Variants in C20orf96 observed in about 807,000 individuals in gnomAD.
C20orf96 encodes chromosome 20 open reading frame 96.
In C20orf96, 57 loss-of-function variants were observed where a neutral mutation model predicts 52.6. That is an observed-to-expected ratio of 1.08 (90% CI 0.88 to 1.35). The LOEUF is 1.35. C20orf96 is among the 40% of genes most tolerant of loss of function. The probability of loss-of-function intolerance (pLI) is 0.00; values close to 1 mark genes in which losing one functional copy is unlikely to be tolerated. For synonymous variants in C20orf96, 168 were observed against 157.2 expected, an observed-to-expected ratio of 1.07 and a Z score of -0.51; for missense variants, 478 against 443.6, an observed-to-expected ratio of 1.08 and a Z score of -0.70.
Position 276,021 on chromosome 20 carries a change from C to T in C20orf96, c.978G>A (p.Gln326=), listed in dbSNP as rs758268652. The T allele has an allele frequency of 2.5e-6, 4 of 1,614,062 alleles. No homozygotes were observed. In the African/African-American group the frequency reaches 5.3e-5, roughly 22 times the overall value. The change falls in exon 10 of 11, where the codon CAG becomes CAA. Residue 326 remains glutamine (Q), a synonymous_variant. Coordinates refer to ENST00000360321, the MANE Select transcript of C20orf96 (RefSeq NM_153269.3). The part of the protein sequence containing the change: ...LRAEVEELQA[Q]TREPREVIFE... ...ATATGACCTCTCGGGGTTCCCGGGT[C>T]TGGGCTTGGAGCTCTTCCACCTCGG...
chr20:287,337 T>C (rs1490589517), intron 3 of C20orf96, among the ~76,000 whole-genome samples: 3 of 152,244 alleles, frequency 2.0e-5, no homozygotes, highest in Non-Finnish European at 2.9e-5. Context: ...GTGTTATCAC[T>C]ATTTTTTTAT....
chr20:278,332 C>A lies in C20orf96; in HGVS notation c.563G>T (p.Ser188Ile). 2 of 1,613,088 alleles carry A rather than the reference C, an allele frequency of 1.2e-6. No homozygotes were observed. Among genetic ancestry groups the A allele is most frequent in the East Asian group, 4.5e-5 (2 of 44,872 alleles). ...AGGAATTTGCCAGGGATTCTTACAGCTCATCTTGCATTTCTTCTTTTCTTC... is the reference window on the plus strand; with the variant it reads ...AGGAATTTGCCAGGGATTCTTACAGATCATCTTGCATTTCTTCTTTTCTTC... ...EWEEKKKCKM[S>I]YLEQQAEQLN... is the part of the protein sequence containing the mutation. Residue 188 changes from serine (S) to isoleucine (I), a missense_variant and splice_region_variant, in exon 6 of 11, where the codon AGC (serine) becomes ATC (isoleucine). Ser to Ile is a moderately radical substitution (Grantham distance 142). Transcript: ENST00000360321.
At chr20:283,313 T>A (rs908041201) in intron 4 of C20orf96, among the ~76,000 whole-genome samples, 1 of 152,154 alleles carries the variant, frequency 6.6e-6, no homozygotes, top group African/African-American at 2.4e-5. Flanking sequence ...ACTGGAATTT[T>A]TTTTTTTTGA....
At chr20:272,184 T>C (rs912235487) in intron 10 of C20orf96, among the ~76,000 whole-genome samples, 1 of 149,390 alleles carries the variant, frequency 6.7e-6, no homozygotes, top group African/African-American at 2.6e-5. Flanking sequence ...ATATTTGAAA[T>C]TTTTCATAAT....
At position 271,020 on chromosome 20, in the gene C20orf96, A is replaced by C. The variant is rs1600181015; in HGVS notation, c.*187T>G. ...GAGGGAGGGAGAGGAGGAAGGAAGG[A>C]GGAGGGAAGGGAAGGGGGGAAGAAG... On this transcript the variant is annotated 3_prime_UTR_variant, in exon 11 of 11. Transcript: ENST00000360321. 2.0e-6 allele frequency: 1 copy of C among 506,608 alleles called. No homozygotes were observed. Among genetic ancestry groups the C allele is most frequent in the Middle Eastern group, 5.1e-4 (1 of 1,970 alleles). 31.4% of individuals were successfully genotyped at this position (506,608 alleles called of 1,614,324 possible).
chr20:279,374 C>T, intron 4 of C20orf96, 44 bp from the exon 5 acceptor site: 1 of 1,572,154 alleles, frequency 6.4e-7, no homozygotes, highest in East Asian at 2.4e-5. Flanking sequence ...TGCGCCCTGC[C>T]CGGCCTGAGC....
intron 6 of C20orf96, among the ~76,000 whole-genome samples, 199 bp from the exon 7 acceptor site, chr20:277,582 G>C (rs1161383030): frequency 6.6e-6 from 1 of 152,130 alleles, no homozygotes; most frequent in Non-Finnish European, 1.5e-5. Context: ...AAGAGGCAAT[G>C]CTGGGTAGGA....
At chr20:278,229 G>A (rs1226781074) in intron 6 of C20orf96, 101 bp downstream of exon 6, 3 of 867,200 alleles carry the variant, frequency 3.5e-6, no homozygotes, top group Non-Finnish European at 6.0e-6. Context: ...GAGCCAATGG[G>A]GCTGAGGGTT....
intron 4 of C20orf96, among the ~76,000 whole-genome samples, chr20:282,472 A>T (rs565850080): frequency 1.2e-3 from 186 of 152,318 alleles, no homozygotes; most frequent in African/African-American, 4.3e-3. Context: ...AAGAGACAGT[A>T]TTAAGAACTG....
At chr20:273,938 G>GGAGGGAGGGAGGGAGGGAGA in intron 10 of C20orf96, among the ~76,000 whole-genome samples, 1 of 114,904 alleles carries the variant, frequency 8.7e-6, no homozygotes, top group Non-Finnish European at 1.8e-5. Context: ...AGGGAGGGAG[G>GGAGGGAGGGAGGGAGGGAGA]GGAAAGAAAG....
Position 290,722 on chromosome 20 carries a change from A to G in C20orf96, c.-112T>C, listed in dbSNP as rs2012527744. ...TGTAGATCGCGCGGTAACCCAGGCCACTCAGAAGTCCCGAGACCCGATGCT... is the reference window on the plus strand; with the variant it reads ...TGTAGATCGCGCGGTAACCCAGGCCGCTCAGAAGTCCCGAGACCCGATGCT... On this transcript the variant is annotated 5_prime_UTR_variant, in exon 1 of 11. Coordinates refer to ENST00000360321, the MANE Select transcript of C20orf96 (RefSeq NM_153269.3). 6 of 1,325,862 alleles carry G rather than the reference A, an allele frequency of 4.5e-6. No individual in the cohort carries two copies. In the Admixed American group the frequency reaches 8.4e-5, roughly 19 times the overall value. The allele number at this position is 1,325,862 out of a possible 1,614,324, so 82.1% of individuals were successfully genotyped here.
intron 4 of C20orf96, 39 bp from the exon 5 acceptor site, chr20:279,369 C>G: frequency 6.3e-7 from 1 of 1,579,138 alleles, no homozygotes; most frequent in Non-Finnish European, 8.5e-7. Flanking sequence ...GGCGCTGCGC[C>G]CTGCCCGGCC....
At chr20:275,856 T>A in intron 10 of C20orf96, 112 bp downstream of exon 10, 86 of 1,004,166 alleles carry the variant, frequency 8.6e-5, no homozygotes, top group Middle Eastern at 2.2e-4. Context: ...CGCCCCTCCC[T>A]CCCTGTACAG....
chr20:274,095 AC>A (rs1255920153), intron 10 of C20orf96, among the ~76,000 whole-genome samples: 2 of 152,004 alleles, frequency 1.3e-5, no homozygotes, highest in Non-Finnish European at 2.9e-5. Context: ...CCCCACTGAG[AC>A]CTACTGACTT....
At chr20:279,408 G>A in intron 4 of C20orf96, 78 bp from the exon 5 acceptor site, 2 of 1,432,300 alleles carry the variant, frequency 1.4e-6, no homozygotes, top group Non-Finnish European at 1.8e-6. Flanking sequence ...TGGACCCGCC[G>A]CCCCGGCCCC....
chr20:290,525 G>A (rs1035424291), intron 1 of C20orf96, 66 bp downstream of exon 1: 43 of 1,584,460 alleles, frequency 2.7e-5, no homozygotes, highest in South Asian at 7.9e-5. Flanking sequence ...GACAGCGGCG[G>A]GGTGTGAAGT....
In C20orf96 at chr20:270,888, T is replaced by G; in HGVS notation, c.*319A>C. ...GCAAATGTAAATCCAGCTTTATTGG[T>G]AAAAAAGGAATAGCAGATTTAATCA... On this transcript the variant is annotated 3_prime_UTR_variant, in exon 11 of 11. Transcript: ENST00000360321. 1 of 311,752 alleles carries G rather than the reference T, an allele frequency of 3.2e-6. No homozygotes were observed. The highest frequency in any genetic ancestry group is 5.9e-6 in the Non-Finnish European group (1 of 169,678). The allele number at this position is 311,752 out of a possible 1,614,324, so 19.3% of individuals were successfully genotyped here.
Position 290,280 on chromosome 20 carries a change from T to G in C20orf96, c.48A>C (p.Ile16=). 6.2e-7 allele frequency: 1 copy of G among 1,612,798 alleles called. No homozygotes were observed. Among genetic ancestry groups the G allele is most frequent in the Non-Finnish European group, 8.5e-7 (1 of 1,179,420 alleles). The change falls in exon 2 of 11, where the codon ATA becomes ATC. Residue 16 remains isoleucine, a synonymous_variant. Coordinates refer to ENST00000360321, the MANE Select transcript of C20orf96 (RefSeq NM_153269.3). ...QKPKHSGTHS[I]VQEFQVPDYV... is the part of the protein sequence containing the mutation. ...TCACCGGAACCTGGAACTCCTGGAC[T>G]ATGGAGTGAGTCCCAGAGTGCTTGG...
At chr20:288,181 T>TTTTC (rs1555771628) in intron 3 of C20orf96, among the ~76,000 whole-genome samples, 1 of 142,782 alleles carries the variant, frequency 7.0e-6, no homozygotes, top group African/African-American at 2.6e-5. Context: ...TTTCTTTTTT[T>TTTTC]TTTTTTTTTT....
Sources: allele counts gnomAD v4.1 joint callset (sites outside exome capture counted in the v4.1 genomes callset), GRCh38; gene constraint gnomAD v4.1.1; transcripts MANE v1.5; gene names NCBI Gene and HGNC (gene_info 2026-07-23, HGNC 2026-07-21).